The following ICA1 variants were observed in gnomAD, a reference collection of about 807,000 sequenced individuals.
ICA1 encodes the protein 69 kDa islet cell autoantigen.
Under a neutral mutation model 71.0 loss-of-function variants are expected in ICA1, and 40 were observed. The ratio of observed to expected loss-of-function variants is 0.56; its 90% confidence interval spans 0.44 to 0.73. The LOEUF (loss-of-function observed/expected upper bound fraction) is 0.73. Among genes scored for constraint, ICA1 ranks in the 30% least tolerant of loss-of-function variants. The pLI is 0.00. For missense variants in ICA1, 578 were observed against 576.5 expected (o/e 1.00, Z -0.03); for synonymous variants, 207 against 209.5 (o/e 0.99, Z 0.10).
At chr7:8,128,207 G>A (rs910864558) in intron 12 of ICA1, 65 bp from the exon 13 acceptor site, 4 of 1,535,192 alleles carry the variant, frequency 2.6e-6, no homozygotes, top group Non-Finnish European at 3.5e-6. Context: ...AATCAATGCT[G>A]TGGGGGCTGC....
intron 6 of ICA1, among the ~76,000 whole-genome samples, chr7:8,159,251 C>A (rs528178296): frequency 6.6e-6 from 1 of 152,280 alleles, no homozygotes; most frequent in African/African-American, 2.4e-5. Context: ...ATGGATGAAA[C>A]TTTTTACTAC....
At chr7:8,115,020 G>A (rs1784351516) in intron 13 of ICA1, 1 of 152,124 alleles carries the variant, frequency 6.6e-6, no homozygotes, top group Non-Finnish European at 1.5e-5. Flanking sequence ...GTTAGTGAGG[G>A]GATAGAGGCA....
At chr7:8,121,353 T>C (rs1786847734) in intron 13 of ICA1, among the ~76,000 whole-genome samples, 2 of 152,126 alleles carry the variant, frequency 1.3e-5, no homozygotes, top group African/African-American at 4.8e-5. Flanking sequence ...GTTCTGGAAA[T>C]ACGATGGTGA....
chr7:8,217,166 G>A (rs1378415121), intron 6 of ICA1, among the ~76,000 whole-genome samples: 2 of 152,196 alleles, frequency 1.3e-5, no homozygotes, highest in Non-Finnish European at 2.9e-5. Context: ...GATTTTCTAT[G>A]ATTCAGAAGC....
intron 6 of ICA1, among the ~76,000 whole-genome samples, chr7:8,164,230 G>T (rs1378765258): frequency 6.8e-6 from 1 of 147,584 alleles, no homozygotes; most frequent in African/African-American, 2.5e-5. Flanking sequence ...CTAGAACTTG[G>T]GAGGCAGAGG....
chr7:8,147,451 C>T (rs1423376123), intron 8 of ICA1, among the ~76,000 whole-genome samples: 2 of 152,026 alleles, frequency 1.3e-5, no homozygotes, highest in Admixed American at 6.6e-5. Flanking sequence ...TCTCTTCCTA[C>T]TATTACTATT....
Position 8,238,798 on chromosome 7 carries a change from C to T in ICA1, c.-79-2793G>A, listed in dbSNP as rs562821235. 8.6e-4 allele frequency among the ~76,000 whole-genome samples: 131 copies of T among 152,258 alleles called. 1 individual carries two copies. The highest frequency in any genetic ancestry group is 2.6e-3 in the African/African-American group (110 of 41,544). On this transcript the variant is annotated intron_variant, in intron 1 of 13. Coordinates refer to ENST00000402384, the MANE Select transcript of ICA1 (RefSeq NM_001136020.3). Reference sequence around the variant, plus strand: ...GCTATTCCCAGATCATGATACCATACGGCAGTGTTCCTCAAGGTATTGTTT... The same window carrying T: ...GCTATTCCCAGATCATGATACCATATGGCAGTGTTCCTCAAGGTATTGTTT...
chr7:8,134,501 T>C (rs1046894585), intron 12 of ICA1, among the ~76,000 whole-genome samples: 11 of 152,182 alleles, frequency 7.2e-5, no homozygotes, highest in Non-Finnish European at 1.3e-4. Flanking sequence ...TTTACCTTCA[T>C]CTGCGTGTGA....
chr7:8,139,939 T>C (rs1258389091), intron 10 of ICA1, among the ~76,000 whole-genome samples: 2 of 152,210 alleles, frequency 1.3e-5, no homozygotes, highest in Admixed American at 6.5e-5. Flanking sequence ...AAAAGAAATA[T>C]GATACTTCAT....
At chr7:8,141,642 T>C (rs979877235) in intron 10 of ICA1, 123 bp downstream of exon 10, 8 of 614,728 alleles carry the variant, frequency 1.3e-5, no homozygotes, top group East Asian at 2.9e-5. Flanking sequence ...GGAAGCAAAT[T>C]AGCCTTTTCT....
chr7:8,157,315 A>C, intron 7 of ICA1, 101 bp from the exon 8 acceptor site: 1 of 1,136,780 alleles, frequency 8.8e-7, no homozygotes. Flanking sequence ...GATTCTTTAA[A>C]GCATGATTCT....
At chr7:8,125,296 G>C (rs1037107620) in intron 13 of ICA1, among the ~76,000 whole-genome samples, 27 of 152,190 alleles carry the variant, frequency 1.8e-4, no homozygotes, top group African/African-American at 6.5e-4. Context: ...CTCCGCCTCT[G>C]CATCCTCTGA....
At position 8,153,337 on chromosome 7, in the gene ICA1, G is replaced by A. The variant is rs151111364; in HGVS notation, c.804+3779C>T. 3.2e-4 allele frequency among the ~76,000 whole-genome samples: 49 copies of A among 152,278 alleles called. No individual in the cohort carries two copies. The East Asian group carries it at 6.8e-3, about 21-fold the overall frequency. The stretch of plus-strand genomic sequence containing the variant: ...TCTCCTTAAAAATACAAATGCAGGA[G>A]GACAGGCCCCTGGATGAGTATGTCC... On this transcript the variant is annotated intron_variant, in intron 8 of 13. Transcript: ENST00000402384.
At chr7:8,214,300 T>C (rs1016682739) in intron 6 of ICA1, among the ~76,000 whole-genome samples, 14 of 152,216 alleles carry the variant, frequency 9.2e-5, no homozygotes, top group African/African-American at 3.4e-4. Context: ...CAACTTCAGC[T>C]GATGTAATCT....
In ICA1 at chr7:8,158,571, C is replaced by T. The variant is rs978771945; in HGVS notation, c.661G>A (p.Ala221Thr). ...TGAGACAAGAGATTGCATCTGCTCG[C>T]TCCAAGAAGATCCACTTTTTGACAA... ...DVCQKVDLLG[A>T]SRCNLLSHML... Residue 221 changes from alanine (A) to threonine (T), a missense_variant, in exon 7 of 14, where the codon GCG (alanine) becomes ACG (threonine). Coordinates refer to ENST00000402384, the MANE Select transcript of ICA1 (RefSeq NM_001136020.3). The T allele has an allele frequency of 1.2e-6, 2 of 1,614,020 alleles. No individual in the cohort carries two copies. Among genetic ancestry groups the T allele is most frequent in the African/African-American group, 2.7e-5 (2 of 74,940 alleles).
intron 6 of ICA1, among the ~76,000 whole-genome samples, chr7:8,171,539 C>A (rs887248446): frequency 6.6e-6 from 1 of 151,806 alleles, no homozygotes; most frequent in African/African-American, 2.4e-5. Context: ...TCTGACCAAT[C>A]TGACTATAGG....
chr7:8,261,542 C>G (rs1812397944), intron 1 of ICA1, among the ~76,000 whole-genome samples: 1 of 152,110 alleles, frequency 6.6e-6, no homozygotes, highest in South Asian at 2.1e-4. Context: ...CAAGCTCAGG[C>G]CTCCTGGCAC....
chr7:8,236,778 G>A (rs1487561936), intron 1 of ICA1: 2 of 152,358 alleles, frequency 1.3e-5, no homozygotes, highest in Non-Finnish European at 1.5e-5. Context: ...CCACCCCAGG[G>A]CCCACCAGCC....
At chr7:8,193,102 G>A (rs1393437499) in intron 6 of ICA1, among the ~76,000 whole-genome samples, 3 of 152,162 alleles carry the variant, frequency 2.0e-5, no homozygotes, top group Non-Finnish European at 4.4e-5. Context: ...CTGCTTCAAG[G>A]TCATCTCAGA....
Sources: allele counts gnomAD v4.1 joint callset (sites outside exome capture counted in the v4.1 genomes callset), GRCh38; gene constraint gnomAD v4.1.1; transcripts MANE v1.5; gene names NCBI Gene and HGNC (gene_info 2026-07-23, HGNC 2026-07-21).